Variants in NKAIN2 observed in about 807,000 individuals in gnomAD.
NKAIN2 encodes sodium/potassium transporting ATPase interacting 2, also known as sodium/potassium-transporting ATPase subunit beta-1-interacting protein 2.
In NKAIN2, 14 loss-of-function variants were observed where a neutral mutation model predicts 32.6. The observed-to-expected ratio is 0.43, with a 90% confidence interval of 0.28 to 0.67. The LOEUF is 0.67. NKAIN2 is among the 30% of genes least tolerant of loss of function. The pLI, the probability that NKAIN2 is intolerant of heterozygous loss-of-function variation, is 0.17. For missense variants in NKAIN2, 198 were observed against 258.3 expected (o/e 0.77, Z 1.60); for synonymous variants, 80 against 87.2 (o/e 0.92, Z 0.46).
At chr6:124,807,141 A>G (rs1321270121) in intron 5 of NKAIN2, among the ~76,000 whole-genome samples, 2 of 152,076 alleles carry the variant, frequency 1.3e-5, no homozygotes, top group African/African-American at 4.8e-5. Context: ...AAGTGGACCT[A>G]ATAGACATCT....
intron 1 of NKAIN2, among the ~76,000 whole-genome samples, chr6:124,142,754 T>G (rs1285077769): frequency 6.6e-6 from 1 of 152,224 alleles, no homozygotes; most frequent in Middle Eastern, 3.2e-3. Context: ...GATTACTATA[T>G]TCTAGTTATA....
chr6:123,962,537 C>T (rs1292481944), intron 1 of NKAIN2, among the ~76,000 whole-genome samples: 1 of 152,162 alleles, frequency 6.6e-6, no homozygotes, highest in Non-Finnish European at 1.5e-5. Flanking sequence ...GGAATTTCTA[C>T]GTTTACTGTT....
At chr6:124,395,490 T>C (rs554991349) in intron 3 of NKAIN2, among the ~76,000 whole-genome samples, 6 of 152,276 alleles carry the variant, frequency 3.9e-5, no homozygotes, top group Admixed American at 6.5e-5. Context: ...AAACACATAA[T>C]GTTGCATTCT....
At chr6:124,147,676 T>A (rs2114371545) in intron 1 of NKAIN2, among the ~76,000 whole-genome samples, 1 of 152,182 alleles carries the variant, frequency 6.6e-6, no homozygotes, top group South Asian at 2.1e-4. Context: ...GCTATCAAAG[T>A]GACTTTTTTA....
intron 3 of NKAIN2, among the ~76,000 whole-genome samples, chr6:124,430,170 A>G (rs1192055119): frequency 1.3e-5 from 2 of 152,358 alleles, no homozygotes; most frequent in East Asian, 3.9e-4. Context: ...TTTACAATAT[A>G]GAGAATTTTT....
chr6:124,070,854 A>G (rs777473196), intron 1 of NKAIN2, among the ~76,000 whole-genome samples: 2 of 152,152 alleles, frequency 1.3e-5, no homozygotes, highest in Non-Finnish European at 2.9e-5. Context: ...CCCCACTTCA[A>G]ACTATATCAT....
chr6:124,105,002 C>T (rs1173108900), intron 1 of NKAIN2, among the ~76,000 whole-genome samples: 1 of 152,060 alleles, frequency 6.6e-6, no homozygotes, highest in African/African-American at 2.4e-5. Context: ...TGAATAGGTA[C>T]AACATATCTA....
At chr6:124,640,824 C>T (rs1034001279) in intron 3 of NKAIN2, among the ~76,000 whole-genome samples, 14 of 152,092 alleles carry the variant, frequency 9.2e-5, no homozygotes, top group African/African-American at 1.2e-4. Context: ...AATTTTTTCC[C>T]GTTTCCTATT....
At chr6:124,757,245 T>C (rs971914717) in intron 4 of NKAIN2, among the ~76,000 whole-genome samples, 2 of 152,200 alleles carry the variant, frequency 1.3e-5, no homozygotes, top group Non-Finnish European at 2.9e-5. Context: ...TTCCATTCAT[T>C]CTCTACATTT....
intron 5 of NKAIN2, among the ~76,000 whole-genome samples, chr6:124,795,229 G>A (rs958583625): frequency 6.6e-6 from 1 of 152,124 alleles, no homozygotes; most frequent in Non-Finnish European, 1.5e-5. Context: ...GGAGATAAGG[G>A]CCCAATGATG....
chr6:124,055,070 A>G (rs890939675), intron 1 of NKAIN2, among the ~76,000 whole-genome samples: 3 of 152,016 alleles, frequency 2.0e-5, no homozygotes, highest in East Asian at 3.9e-4. Context: ...TTCAAATACT[A>G]TATCACCTAG....
chr6:124,038,806 G>A (rs572247185), intron 1 of NKAIN2, among the ~76,000 whole-genome samples: 1 of 152,126 alleles, frequency 6.6e-6, no homozygotes, highest in East Asian at 1.9e-4. Context: ...TCAGAACTTG[G>A]CACCTTTGTT....
intron 4 of NKAIN2, among the ~76,000 whole-genome samples, chr6:124,788,285 C>T (rs1779592651): frequency 6.6e-6 from 1 of 151,990 alleles, no homozygotes; most frequent in Admixed American, 6.6e-5. Context: ...ACATTGACAA[C>T]ACATAACAGC....
chr6:123,880,781 G>A (rs7764708), intron 1 of NKAIN2, among the ~76,000 whole-genome samples: 7,131 of 152,078 alleles, frequency 0.047, 411 homozygotes, highest in African/African-American at 0.14. Context: ...TTTTCAGACC[G>A]TATAACCATA....
chr6:124,187,417 T>G (rs894333332), intron 1 of NKAIN2, among the ~76,000 whole-genome samples: 14 of 152,178 alleles, frequency 9.2e-5, no homozygotes, highest in African/African-American at 3.4e-4. Context: ...GGGCTTTCTT[T>G]ATTCTATAGC....
chr6:123,832,430 A>C (rs1774426033), intron 1 of NKAIN2, among the ~76,000 whole-genome samples: 1 of 152,218 alleles, frequency 6.6e-6, no homozygotes, highest in Non-Finnish European at 1.5e-5. Flanking sequence ...GACAGCTATG[A>C]ACATCCATGA....
chr6:124,644,534 A>C (rs1784101441), intron 3 of NKAIN2, among the ~76,000 whole-genome samples: 1 of 151,846 alleles, frequency 6.6e-6, no homozygotes, highest in Admixed American at 6.6e-5. Flanking sequence ...CCTTCGGAGT[A>C]GCTGGGACTA....
At chr6:124,664,611 G>A (rs1772680832) in intron 4 of NKAIN2, among the ~76,000 whole-genome samples, 1 of 150,142 alleles carries the variant, frequency 6.7e-6, no homozygotes, top group Admixed American at 6.6e-5. Flanking sequence ...CGGCTAAAAC[G>A]GTGAAACCCC....
At chr6:124,611,541 C>A (rs538717220) in intron 3 of NKAIN2, among the ~76,000 whole-genome samples, 1 of 152,064 alleles carries the variant, frequency 6.6e-6, no homozygotes, top group South Asian at 2.1e-4. Context: ...CCCCACCTCC[C>A]GACAGGCCCT....
Sources: gnomAD v4.1 joint callset for allele counts (sites outside exome capture counted in the v4.1 genomes callset) on GRCh38, gnomAD v4.1.1 for gene constraint, MANE v1.5 for transcripts, NCBI Gene and HGNC (gene_info 2026-07-23, HGNC 2026-07-21) for gene names.